ROBO1: variants seen among roughly 807,000 people sequenced by gnomAD.
The protein encoded by ROBO1 is roundabout homolog 1.
Under a neutral mutation model 195.9 loss-of-function variants are expected in ROBO1, and 149 were observed. The observed-to-expected ratio is 0.76, with a 90% CI of 0.67 to 0.87. The LOEUF (loss-of-function observed/expected upper bound fraction) is 0.87. Ranked by LOEUF, ROBO1 falls within the 40% of genes least tolerant of loss-of-function variation. The pLI is 0.00. For missense variants in ROBO1, 1,933 were observed against 2,068.3 expected (o/e 0.93, Z 1.27); for synonymous variants, 816 against 733.2 (o/e 1.11, Z -1.82).
chr3:79,507,057 C>T (rs998623217), intron 2 of ROBO1, among the ~76,000 whole-genome samples: 1 of 152,148 alleles, frequency 6.6e-6, no homozygotes, highest in Non-Finnish European at 1.5e-5. Flanking sequence ...AATAGAGCTC[C>T]TCTTGAGCCC....
At chr3:79,639,798 C>A (rs948322278) in intron 1 of ROBO1, among the ~76,000 whole-genome samples, 1 of 152,098 alleles carries the variant, frequency 6.6e-6, no homozygotes, top group South Asian at 2.1e-4. Context: ...CTAGCTAGTA[C>A]TTCTCATATT....
At chr3:79,261,953 T>C (rs1449085084) in intron 2 of ROBO1, among the ~76,000 whole-genome samples, 2 of 152,072 alleles carry the variant, frequency 1.3e-5, no homozygotes. Flanking sequence ...AAGACCTTTC[T>C]GGACAAATGT....
At chr3:79,736,547 GACAA>G (rs759162029) in intron 1 of ROBO1, among the ~76,000 whole-genome samples, 2 of 152,120 alleles carry the variant, frequency 1.3e-5, no homozygotes, top group African/African-American at 4.8e-5. Flanking sequence ...TAATAGCTTA[GACAA>G]ACAAAGAAAT....
chr3:79,257,775 C>T (rs2082864928), intron 2 of ROBO1, among the ~76,000 whole-genome samples: 1 of 152,072 alleles, frequency 6.6e-6, no homozygotes, highest in Non-Finnish European at 1.5e-5. Context: ...TTTAGATGCT[C>T]TTTTTGCTAC....
Position 78,631,293 on chromosome 3 carries a change from T to C in ROBO1, c.3494A>G (p.His1165Arg). 6.2e-7 allele frequency: 1 copy of C among 1,613,164 alleles called. No individual in the cohort carries two copies. Among genetic ancestry groups the C allele is most frequent in the Non-Finnish European group, 8.5e-7 (1 of 1,179,456 alleles). Residue 1165 changes from histidine to arginine, a missense_variant, in exon 25 of 31, where the codon CAC (histidine) becomes CGC (arginine). Coordinates refer to ENST00000464233, the MANE Select transcript of ROBO1 (RefSeq NM_002941.4). Reference sequence around the variant, plus strand: ...CTTGGGTGTTCTTGCCCCTTTCTTGTGCCCCTGACTCCCTAGAAAGGAAAT... The same window carrying C: ...CTTGGGTGTTCTTGCCCCTTTCTTGCGCCCCTGACTCCCTAGAAAGGAAAT... ...RGSSTSGSQGHKKGARTPKVP... is the reference protein window; with the variant it reads ...RGSSTSGSQGRKKGARTPKVP...
At chr3:79,070,240 AGTT>A (rs972514361) in intron 3 of ROBO1, among the ~76,000 whole-genome samples, 2 of 151,836 alleles carry the variant, frequency 1.3e-5, no homozygotes, top group Admixed American at 6.6e-5. Context: ...ACCTTGAACA[AGTT>A]GTTGTTACTG....
intron 3 of ROBO1, among the ~76,000 whole-genome samples, chr3:78,981,824 CAA>C (rs1553647939): frequency 6.6e-6 from 1 of 151,170 alleles, no homozygotes; most frequent in Non-Finnish European, 1.5e-5. Flanking sequence ...CACACACACA[CAA>C]AAACACACCC....
chr3:78,713,905 A>G lies in ROBO1; in HGVS notation c.1045+492T>C, dbSNP rs527774072. On this transcript the variant is annotated intron_variant, in intron 8 of 30. Coordinates refer to ENST00000464233, the MANE Select transcript of ROBO1 (RefSeq NM_002941.4). ...CACTCTGTGCGCACAAAACAATTGCAAAGTCCCTGCTCAATAAATCCTACA... is the reference window on the plus strand; with the variant it reads ...CACTCTGTGCGCACAAAACAATTGCGAAGTCCCTGCTCAATAAATCCTACA... Among the ~76,000 whole-genome samples the G allele has an allele frequency of 3.3e-5, 5 of 152,372 alleles. No homozygotes were observed. The South Asian group carries it at 1.0e-3, about 32-fold the overall frequency.
chr3:79,282,204 T>C (rs1057336192), intron 2 of ROBO1, among the ~76,000 whole-genome samples: 18 of 152,328 alleles, frequency 1.2e-4, no homozygotes, highest in African/African-American at 3.6e-4. Flanking sequence ...CTGTAGGTGA[T>C]GAAACCTTAA....
At chr3:79,279,785 AT>A (rs1462385039) in intron 2 of ROBO1, among the ~76,000 whole-genome samples, 9 of 152,136 alleles carry the variant, frequency 5.9e-5, no homozygotes, top group Admixed American at 5.2e-4. Context: ...TTCTTTATTC[AT>A]TTGTGTGTCA....
At chr3:79,584,642 TTCATAC>T (rs1560015446) in intron 2 of ROBO1, among the ~76,000 whole-genome samples, 2 of 137,690 alleles carry the variant, frequency 1.5e-5, no homozygotes, top group African/African-American at 6.2e-5. Flanking sequence ...TGTGTGTATG[TTCATAC>T]ACACACACAC....
At chr3:79,344,779 C>T (rs1255477810) in intron 2 of ROBO1, among the ~76,000 whole-genome samples, 1 of 151,974 alleles carries the variant, frequency 6.6e-6, no homozygotes, top group Non-Finnish European at 1.5e-5. Context: ...TAAATCTCAT[C>T]CCCAGTTGTA....
At chr3:79,151,108 G>C (rs1239137716) in intron 2 of ROBO1, among the ~76,000 whole-genome samples, 1 of 151,748 alleles carries the variant, frequency 6.6e-6, no homozygotes, top group Non-Finnish European at 1.5e-5. Flanking sequence ...GCTCTCTCTT[G>C]ACTGCCGCCA....
chr3:78,905,416 T>C (rs979165669), intron 4 of ROBO1, among the ~76,000 whole-genome samples: 4 of 152,010 alleles, frequency 2.6e-5, no homozygotes, highest in African/African-American at 9.7e-5. Context: ...GATGGGAGGA[T>C]CACTTGAGCT....
At chr3:79,559,330 G>T (rs1309553638) in intron 2 of ROBO1, among the ~76,000 whole-genome samples, 7 of 152,068 alleles carry the variant, frequency 4.6e-5, no homozygotes, top group Admixed American at 4.6e-4. Flanking sequence ...TCTGTCTAAA[G>T]TTTTTCTTTT....
chr3:78,999,928 G>C (rs1422631591), intron 3 of ROBO1, among the ~76,000 whole-genome samples: 1 of 151,962 alleles, frequency 6.6e-6, no homozygotes, highest in Admixed American at 6.6e-5. Context: ...AATACTCCTT[G>C]ACCCTAGTAG....
chr3:79,709,006 GGAAA>G (rs1481715083), intron 1 of ROBO1, among the ~76,000 whole-genome samples: 6 of 151,744 alleles, frequency 4.0e-5, no homozygotes, highest in Non-Finnish European at 5.9e-5. Flanking sequence ...TTACCAAAAG[GGAAA>G]GAGAGAACAC....
intron 3 of ROBO1, among the ~76,000 whole-genome samples, chr3:78,986,145 A>C (rs78571078): frequency 0.014 from 2,135 of 152,214 alleles, 58 homozygotes; most frequent in African/African-American, 0.045. Flanking sequence ...GAAAATGAGA[A>C]CCCAGATGAT....
intron 2 of ROBO1, among the ~76,000 whole-genome samples, chr3:79,395,287 A>ACT (rs1311165747): frequency 7.0e-6 from 1 of 141,926 alleles, no homozygotes; most frequent in Non-Finnish European, 1.5e-5. Flanking sequence ...CCGCCACTGT[A>ACT]CTCCAGCCTG....
Sources: allele counts gnomAD v4.1 joint callset (sites outside exome capture counted in the v4.1 genomes callset), GRCh38; gene constraint gnomAD v4.1.1; transcripts MANE v1.5; gene names NCBI Gene and HGNC (gene_info 2026-07-23, HGNC 2026-07-21).